Variants in OSBPL6 observed in about 807,000 individuals in gnomAD.
OSBPL6 encodes oxysterol-binding protein-related protein 6.
Under a neutral mutation model 125.8 loss-of-function variants are expected in OSBPL6, and 49 were observed. That is an observed-to-expected ratio of 0.39 (90% CI 0.31 to 0.49). OSBPL6 has a LOEUF of 0.49. OSBPL6 is among the 20% of genes least tolerant of loss of function. The pLI is 0.88. For missense variants in OSBPL6, 986 were observed against 1,135.4 expected, an observed-to-expected ratio of 0.87 and a Z score of 1.89; for synonymous variants, 394 against 391.8, an observed-to-expected ratio of 1.01 and a Z score of -0.07.
chr2:178,389,978 C>T (rs566738631), intron 21 of OSBPL6, among the ~76,000 whole-genome samples: 46 of 152,200 alleles, frequency 3.0e-4, no homozygotes, highest in African/African-American at 1.0e-3. Context: ...AATGTTTTCA[C>T]TACCTTTTTT....
At chr2:178,260,084 G>C (rs1379947354) in intron 1 of OSBPL6, among the ~76,000 whole-genome samples, 3 of 152,146 alleles carry the variant, frequency 2.0e-5, no homozygotes, top group Non-Finnish European at 2.9e-5. Flanking sequence ...AAAAATAACT[G>C]TTCCACATTA....
At chr2:178,325,719 A>C (rs1225648790) in intron 4 of OSBPL6, among the ~76,000 whole-genome samples, 1 of 152,232 alleles carries the variant, frequency 6.6e-6, no homozygotes, top group Non-Finnish European at 1.5e-5. Context: ...TCATTGAAGT[A>C]CATATCAATA....
rs576653407 is a variant in OSBPL6, at chr2:178,249,749, T to A, written c.-350-35178T>A. Among the ~76,000 whole-genome samples the A allele has an allele frequency of 2.0e-5, 3 of 152,254 alleles. No homozygotes were observed. The South Asian group carries it at 6.2e-4, about 32-fold the overall frequency. On this transcript the variant is annotated intron_variant, in intron 1 of 24. Coordinates refer to ENST00000190611, the MANE Select transcript of OSBPL6 (RefSeq NM_032523.4). The stretch of plus-strand genomic sequence containing the variant: ...AACCTTGGTTGTTATCAATATGCTG[T>A]TGGCACCCAGAGACTGACTTTCGAG...
intron 20 of OSBPL6, among the ~76,000 whole-genome samples, chr2:178,388,000 T>C (rs1042639176): frequency 6.7e-5 from 10 of 150,114 alleles, no homozygotes; most frequent in African/African-American, 2.2e-4. Context: ...CAAGACTCCA[T>C]CTCAAAAAAG....
rs188050382 is a variant in OSBPL6, at chr2:178,342,225, C to T, written c.987+2461C>T. On this transcript the variant is annotated intron_variant, in intron 11 of 24. Transcript: ENST00000190611. ...CTCATTTTCTGTCCCCACTCTTCTT[C>T]GTAACTAAGTACAACAGCCATTGTG... Among the ~76,000 whole-genome samples the T allele has an allele frequency of 9.6e-4, 146 of 152,234 alleles. 2 individuals are homozygous for T. Among genetic ancestry groups the T allele is most frequent in the Admixed American group, 5.9e-4 (9 of 15,286 alleles).
At chr2:178,395,427 ATGT>A (rs1695775866) in intron 24 of OSBPL6, 21 bp from the exon 25 acceptor site, 1 of 1,531,178 alleles carries the variant, frequency 6.5e-7, no homozygotes, top group African/African-American at 1.4e-5. Context: ...TTCATGACTA[ATGT>A]TGATGTTTAT....
intron 4 of OSBPL6, among the ~76,000 whole-genome samples, chr2:178,327,658 CA>C (rs1442858939): frequency 6.6e-6 from 1 of 151,188 alleles, no homozygotes; most frequent in Non-Finnish European, 1.5e-5. Flanking sequence ...AAATGCAACC[CA>C]GGGGCTCCCA....
chr2:178,286,953 T>C (rs1258043622), intron 2 of OSBPL6, among the ~76,000 whole-genome samples: 1 of 88,096 alleles, frequency 1.1e-5, no homozygotes. Context: ...CTATATATTG[T>C]TGCTAAATGA....
chr2:178,204,484 C>G lies in OSBPL6; in HGVS notation c.-351+9810C>G, dbSNP rs553942783. ...CCCCTCCCTGTGCCACTGCTGGAAACTCACTCAAGGTAGTAACCTAGTGTA... is the reference window on the plus strand; with the variant it reads ...CCCCTCCCTGTGCCACTGCTGGAAAGTCACTCAAGGTAGTAACCTAGTGTA... On this transcript the variant is annotated intron_variant, in intron 1 of 24. Transcript: ENST00000190611. 2.0e-4 allele frequency among the ~76,000 whole-genome samples: 31 copies of G among 152,346 alleles called. No homozygotes were observed. In the South Asian group the frequency reaches 6.2e-3, roughly 31 times the overall value.
At chr2:178,382,598 AC>A in intron 16 of OSBPL6, 91 bp downstream of exon 16, 1 of 1,099,932 alleles carries the variant, frequency 9.1e-7, no homozygotes, top group Non-Finnish European at 1.3e-6. Flanking sequence ...CTCCCACGCC[AC>A]CCCCACCCCT....
chr2:178,212,002 G>T (rs62177214), intron 1 of OSBPL6, among the ~76,000 whole-genome samples: 19,346 of 152,098 alleles, frequency 0.13, 1,396 homozygotes, highest in Middle Eastern at 0.23. Context: ...TGGGAAGTTG[G>T]GGGCTGCTTT....
At chr2:178,310,628 A>G (rs1687187502) in intron 3 of OSBPL6, among the ~76,000 whole-genome samples, 1 of 151,842 alleles carries the variant, frequency 6.6e-6, no homozygotes, top group East Asian at 1.9e-4. Flanking sequence ...CGTGTTAGCC[A>G]GGATGGTCTC....
chr2:178,269,507 C>A (rs576721962), intron 1 of OSBPL6, among the ~76,000 whole-genome samples: 1 of 152,322 alleles, frequency 6.6e-6, no homozygotes, highest in South Asian at 2.1e-4. Flanking sequence ...ATTTTCCCAA[C>A]AGCAATGTAA....
Position 178,288,783 on chromosome 2 carries a change from G to A in OSBPL6, c.-156+3662G>A, listed in dbSNP as rs925124307. On this transcript the variant is annotated intron_variant, in intron 2 of 24. Transcript: ENST00000190611. ...CCTGCCTCAGCCTCCCAAGTAGTTGGGATTACAGGCGCCCGCCACCACGCC... is the reference window on the plus strand; with the variant it reads ...CCTGCCTCAGCCTCCCAAGTAGTTGAGATTACAGGCGCCCGCCACCACGCC... Among the ~76,000 whole-genome samples, 3 of 151,740 alleles carry A rather than the reference G, an allele frequency of 2.0e-5. No homozygotes were observed. The South Asian group carries it at 6.2e-4, about 32-fold the overall frequency.
chr2:178,327,752 G>A (rs1257858417), intron 4 of OSBPL6, among the ~76,000 whole-genome samples: 1 of 152,076 alleles, frequency 6.6e-6, no homozygotes, highest in Non-Finnish European at 1.5e-5. Flanking sequence ...TGGAATGCAA[G>A]CAAACCTCCC....
chr2:178,240,389 G>A (rs1198403536), intron 1 of OSBPL6, among the ~76,000 whole-genome samples: 14 of 151,940 alleles, frequency 9.2e-5, no homozygotes, highest in Non-Finnish European at 2.1e-4. Context: ...CTGACATGGC[G>A]AGACCCCCAT....
At chr2:178,323,198 A>G (rs1213925663) in intron 3 of OSBPL6, among the ~76,000 whole-genome samples, 1 of 152,148 alleles carries the variant, frequency 6.6e-6, no homozygotes, top group Non-Finnish European at 1.5e-5. Context: ...ACCCCACTTC[A>G]TTCTTGAATC....
In OSBPL6 at chr2:178,365,085, A is replaced by C. The variant is rs564277481; in HGVS notation, c.1287+3270A>C. On this transcript the variant is annotated intron_variant, in intron 13 of 24. Transcript: ENST00000190611. The stretch of plus-strand genomic sequence containing the variant: ...CAGCTGTTTGGGAGGTTGAGGCAGG[A>C]GAATCACTTGAACCCAGGAGGTGGA... Among the ~76,000 whole-genome samples the C allele has an allele frequency of 1.7e-4, 26 of 152,240 alleles. No homozygotes were observed. The South Asian group carries it at 5.4e-3, about 32-fold the overall frequency.
chr2:178,291,792 G>GCCTGCCATCCAT (rs1553543924), intron 2 of OSBPL6, among the ~76,000 whole-genome samples: 9 of 116,640 alleles, frequency 7.7e-5, no homozygotes, highest in Non-Finnish European at 1.3e-4. Flanking sequence ...CTTCCTGCCT[G>GCCTGCCATCCAT]CCATCCATCC....
Sources: allele counts gnomAD v4.1 joint callset (sites outside exome capture counted in the v4.1 genomes callset), GRCh38; gene constraint gnomAD v4.1.1; transcripts MANE v1.5; gene names NCBI Gene and HGNC (gene_info 2026-07-23, HGNC 2026-07-21).